The following ABCC2 variants were observed in gnomAD, a reference collection of about 807,000 sequenced individuals.
ABCC2 encodes the protein ATP binding cassette subfamily C member 2, also known as ATP-binding cassette sub-family C member 2.
ABCC2 carries 157 observed loss-of-function variants against 173.4 expected under a neutral mutation model. The observed-to-expected ratio is 0.91, with a 90% CI of 0.80 to 1.03. ABCC2 has a LOEUF of 1.03. Ranked by LOEUF, ABCC2 falls within the 50% of genes least tolerant of loss-of-function variation. The pLI is 0.00. For synonymous variants in ABCC2, 657 were observed against 693.5 expected (o/e 0.95, Z 0.83); for missense variants, 1,822 against 1,852.3 (o/e 0.98, Z 0.30).
chr10:99,824,144 A>G (rs1371337283), intron 19 of ABCC2, among the ~76,000 whole-genome samples: 1 of 152,112 alleles, frequency 6.6e-6, no homozygotes, highest in Non-Finnish European at 1.5e-5. Flanking sequence ...TTCTTTTACT[A>G]TTTACGTCTG....
chr10:99,822,482 T>C (rs1476866288), intron 19 of ABCC2, among the ~76,000 whole-genome samples: 1 of 151,974 alleles, frequency 6.6e-6, no homozygotes, highest in African/African-American at 2.4e-5. Context: ...GGGTTCATTG[T>C]AGAACTTCAA....
At chr10:99,805,339 C>A in intron 10 of ABCC2, 43 bp from the exon 11 acceptor site, 1 of 1,576,068 alleles carries the variant, frequency 6.3e-7, no homozygotes, top group South Asian at 1.1e-5. Context: ...AGCCCTCTCT[C>A]ATGGAAGCGT....
chr10:99,810,338 A>G (rs1167462288), intron 14 of ABCC2, 120 bp downstream of exon 14: 10 of 780,236 alleles, frequency 1.3e-5, no homozygotes, highest in Non-Finnish European at 2.0e-5. Flanking sequence ...TCTTGAGCCT[A>G]TGCTTGCATA....
chr10:99,843,844 G>A lies in ABCC2; in HGVS notation c.3787G>A (p.Glu1263Lys), dbSNP rs1273816385. Residue 1263 changes from glutamate (E) to lysine (K), a missense_variant, in exon 27 of 32, where the codon GAG becomes AAG. Glu to Lys is a moderately conservative substitution (Grantham distance 56). Coordinates refer to ENST00000647814, the MANE Select transcript of ABCC2 (RefSeq NM_000392.5). ...NWLVRMTSEI[E>K]TNIVAVERIT... ...GCTGGTGAGGATGACATCAGAAATA[G>A]AGACCAACATTGTGGCTGTTGAGCG... 1.9e-6 allele frequency: 3 copies of A among 1,614,084 alleles called. No individual in the cohort carries two copies. The highest frequency in any genetic ancestry group is 4.5e-5 in the East Asian group (2 of 44,900).
chr10:99,804,829 A>C (rs549978948), intron 10 of ABCC2, among the ~76,000 whole-genome samples: 56 of 152,332 alleles, frequency 3.7e-4, no homozygotes, highest in Non-Finnish European at 6.6e-4. Flanking sequence ...TATTTCTTAC[A>C]TATCTTACTT....
intron 6 of ABCC2, among the ~76,000 whole-genome samples, chr10:99,795,414 C>A (rs2037883056): frequency 1.3e-5 from 2 of 152,038 alleles, no homozygotes; most frequent in South Asian, 4.2e-4. Context: ...TGTGGGATTT[C>A]TCAGCCTGGC....
chr10:99,823,590 GT>G (rs1341355925), intron 19 of ABCC2, among the ~76,000 whole-genome samples: 4 of 147,418 alleles, frequency 2.7e-5, no homozygotes, highest in Non-Finnish European at 5.9e-5. Context: ...TTGATGTGGA[GT>G]TTTGATTACT....
At chr10:99,805,820 G>T (rs1272212941) in intron 11 of ABCC2, among the ~76,000 whole-genome samples, 2 of 152,088 alleles carry the variant, frequency 1.3e-5, no homozygotes, top group African/African-American at 2.4e-5. Context: ...AAATCTCAGA[G>T]ATCTTGTCAT....
At chr10:99,826,649 G>A (rs1480510792) in intron 19 of ABCC2, among the ~76,000 whole-genome samples, 2 of 136,088 alleles carry the variant, frequency 1.5e-5, no homozygotes, top group African/African-American at 3.0e-5. Context: ...CTGCATCTAT[G>A]TTAACTGGAG....
Position 99,808,082 on chromosome 10 carries a change from G to C in ABCC2, c.1669-1G>C, listed in dbSNP as rs1293919105. 1 of 1,614,032 alleles carries C rather than the reference G, an allele frequency of 6.2e-7. No individual in the cohort carries two copies. The highest frequency in any genetic ancestry group is 1.7e-5 in the Admixed American group (1 of 60,020). ...ATTGCTCATGACCTTGCCCTTTCCA[G>C]GTATCTGTGGTCACATTTTCTGTTT... is the stretch of plus-strand genomic sequence containing the variant. On this transcript the variant is annotated splice_acceptor_variant, in intron 12 of 31. Transcript: ENST00000647814. LOFTEE classifies it high-confidence loss of function.
intron 15 of ABCC2, among the ~76,000 whole-genome samples, chr10:99,812,326 T>C (rs1319097568): frequency 6.6e-6 from 1 of 152,190 alleles, no homozygotes; most frequent in Non-Finnish European, 1.5e-5. Context: ...TCCACTTCAC[T>C]GTTATAGGTC....
Position 99,847,115 on chromosome 10 carries a change from G to A in ABCC2, c.4301G>A (p.Gly1434Asp), listed in dbSNP as rs376276952. ...LGLSHEVTEAGGNLSIGQRQL... is the reference protein window; with the variant it reads ...LGLSHEVTEADGNLSIGQRQL... ...TTATCCCACGAAGTGACAGAGGCTG[G>A]TGGCAACCTGAGGTAATGTTCCATA... The change falls in exon 30 of 32, where the codon GGT becomes GAT. Residue 1434 changes from glycine to aspartate, a missense_variant. By Grantham distance (94) the Gly-to-Asp change is moderately conservative (BLOSUM62 -1). Coordinates refer to ENST00000647814, the MANE Select transcript of ABCC2 (RefSeq NM_000392.5). The A allele has an allele frequency of 1.2e-5, 20 of 1,614,002 alleles. No individual in the cohort carries two copies. The highest frequency in any genetic ancestry group is 1.7e-5 in the Non-Finnish European group (20 of 1,180,030).
At chr10:99,822,139 C>T (rs1357152709) in intron 19 of ABCC2, among the ~76,000 whole-genome samples, 2 of 152,072 alleles carry the variant, frequency 1.3e-5, no homozygotes, top group Non-Finnish European at 2.9e-5. Context: ...TGTGACTGCC[C>T]GAATTAAGGG....
chr10:99,847,518 G>A (rs1035506229), intron 30 of ABCC2, among the ~76,000 whole-genome samples: 3 of 151,808 alleles, frequency 2.0e-5, no homozygotes, highest in African/African-American at 7.3e-5. Flanking sequence ...CAGGAGAATC[G>A]CTTAAACCCA....
intron 30 of ABCC2, 79 bp downstream of exon 30, chr10:99,847,206 T>G (rs1278177654): frequency 6.6e-7 from 1 of 1,511,836 alleles, no homozygotes; most frequent in Admixed American, 1.7e-5. Flanking sequence ...TCGTGTTAGG[T>G]GATGCCTGGC....
intron 1 of ABCC2, 37 bp from the exon 2 acceptor site, chr10:99,784,571 T>C: frequency 6.2e-7 from 1 of 1,611,530 alleles, no homozygotes; most frequent in Non-Finnish European, 8.5e-7. Flanking sequence ...GTCTTCACAA[T>C]GCATGTATGC....
chr10:99,792,186 C>T, intron 2 of ABCC2, 48 bp from the exon 3 acceptor site: 1 of 1,611,404 alleles, frequency 6.2e-7, no homozygotes, highest in Non-Finnish European at 8.5e-7. Flanking sequence ...TTCTAAGAGC[C>T]TTATAAAGAA....
chr10:99,836,551 G>A (rs1039469242), intron 25 of ABCC2, among the ~76,000 whole-genome samples: 1 of 152,158 alleles, frequency 6.6e-6, no homozygotes, highest in African/African-American at 2.4e-5. Flanking sequence ...TTTTGTAATG[G>A]CCAGAACACA....
At chr10:99,837,286 C>CAGGCATG (rs2038841234) in intron 25 of ABCC2, among the ~76,000 whole-genome samples, 2 of 122,678 alleles carry the variant, frequency 1.6e-5, no homozygotes, top group African/African-American at 6.2e-5. Flanking sequence ...CAGGCATGCA[C>CAGGCATG]CACCACGCCC....
Sources: gnomAD v4.1 joint callset for allele counts (sites outside exome capture counted in the v4.1 genomes callset) on GRCh38, gnomAD v4.1.1 for gene constraint, MANE v1.5 for transcripts, NCBI Gene and HGNC (gene_info 2026-07-23, HGNC 2026-07-21) for gene names.